The following FAM135B variants were observed in gnomAD, a reference collection of about 807,000 sequenced individuals.
FAM135B encodes the protein protein FAM135B.
FAM135B carries 43 observed loss-of-function variants against 127.7 expected under a neutral mutation model. The ratio of observed to expected loss-of-function variants is 0.34; its 90% confidence interval spans 0.26 to 0.43. The LOEUF (loss-of-function observed/expected upper bound fraction) is 0.43, where lower values mean the gene tolerates loss of function less well. Ranked by LOEUF, FAM135B falls within the 20% of genes least tolerant of loss-of-function variation. FAM135B has a pLI of 1.00. For missense variants in FAM135B, 1,558 were observed against 1,725.6 expected, an observed-to-expected ratio of 0.90 and a Z score of 1.72; for synonymous variants, 670 against 665.1, an observed-to-expected ratio of 1.01 and a Z score of -0.11.
intron 3 of FAM135B, among the ~76,000 whole-genome samples, chr8:138,278,472 G>T (rs1028174227): frequency 6.6e-6 from 1 of 151,728 alleles, no homozygotes. Context: ...TGACTTGAGG[G>T]ATGTGACAGT....
chr8:138,172,245 C>G (rs1292375756), intron 11 of FAM135B, among the ~76,000 whole-genome samples: 3 of 152,198 alleles, frequency 2.0e-5, no homozygotes, highest in African/African-American at 7.2e-5. Flanking sequence ...CTCCAAGGCT[C>G]TGAATGACTC....
At chr8:138,461,093 C>T (rs1414208691) in intron 1 of FAM135B, among the ~76,000 whole-genome samples, 1 of 151,960 alleles carries the variant, frequency 6.6e-6, no homozygotes, top group Non-Finnish European at 1.5e-5. Context: ...TTATAAGTTT[C>T]TTTTTTTTAA....
intron 1 of FAM135B, among the ~76,000 whole-genome samples, chr8:138,478,410 A>G (rs1384423963): frequency 2.0e-5 from 3 of 152,100 alleles, no homozygotes; most frequent in Non-Finnish European, 4.4e-5. Flanking sequence ...CTCCTCTTTA[A>G]AGCCTTCCTT....
chr8:138,347,005 A>G (rs1379532117), intron 2 of FAM135B, among the ~76,000 whole-genome samples: 3 of 152,192 alleles, frequency 2.0e-5, no homozygotes, highest in Non-Finnish European at 4.4e-5. Context: ...TTGGTCACTA[A>G]TATCTAGCAC....
intron 1 of FAM135B, among the ~76,000 whole-genome samples, chr8:138,433,556 A>C (rs1186533062): frequency 6.7e-6 from 1 of 150,346 alleles, no homozygotes; most frequent in Non-Finnish European, 1.5e-5. Context: ...TAAATAAATA[A>C]ATAAATAAAT....
chr8:138,341,100 G>A (rs1829016990), intron 2 of FAM135B, among the ~76,000 whole-genome samples: 1 of 152,180 alleles, frequency 6.6e-6, no homozygotes, highest in Non-Finnish European at 1.5e-5. Flanking sequence ...GACTCACACA[G>A]ATTTTGCATA....
chr8:138,238,725 G>C (rs2130315228), intron 7 of FAM135B, among the ~76,000 whole-genome samples: 1 of 152,282 alleles, frequency 6.6e-6, no homozygotes, highest in African/African-American at 2.4e-5. Flanking sequence ...TAATGCGCTG[G>C]GCTTCTCAGG....
intron 2 of FAM135B, among the ~76,000 whole-genome samples, chr8:138,337,856 C>G (rs1828727797): frequency 6.6e-6 from 1 of 152,184 alleles, no homozygotes; most frequent in South Asian, 2.1e-4. Context: ...TGACTTCAAA[C>G]TATACTGCAA....
intron 3 of FAM135B, among the ~76,000 whole-genome samples, chr8:138,300,821 G>C (rs1420154004): frequency 2.1e-5 from 3 of 140,708 alleles, no homozygotes; most frequent in African/African-American, 7.9e-5. Flanking sequence ...CACTTTCTCA[G>C]CTCACTATAA....
intron 12 of FAM135B, among the ~76,000 whole-genome samples, chr8:138,155,632 C>T (rs1052302138): frequency 1.3e-5 from 2 of 151,684 alleles, no homozygotes; most frequent in Admixed American, 1.3e-4. Context: ...CAAAAAAAAA[C>T]AGGGGTTGCA....
chr8:138,415,608 T>C (rs1173436583), intron 1 of FAM135B, among the ~76,000 whole-genome samples: 2 of 152,168 alleles, frequency 1.3e-5, no homozygotes, highest in Non-Finnish European at 2.9e-5. Flanking sequence ...TACAACTCTT[T>C]CCATTTCCCA....
chr8:138,423,993 C>T (rs1178137009), intron 1 of FAM135B, among the ~76,000 whole-genome samples: 2 of 152,202 alleles, frequency 1.3e-5, no homozygotes, highest in African/African-American at 2.4e-5. Context: ...CTGCCCAGCT[C>T]ACCAGCGGTT....
chr8:138,443,182 C>A (rs1835909803), intron 1 of FAM135B, among the ~76,000 whole-genome samples: 1 of 152,160 alleles, frequency 6.6e-6, no homozygotes, highest in African/African-American at 2.4e-5. Context: ...TTGCTCATCA[C>A]ATCTGGGTAA....
At chr8:138,401,246 C>T (rs1833138208) in intron 1 of FAM135B, among the ~76,000 whole-genome samples, 1 of 152,180 alleles carries the variant, frequency 6.6e-6, no homozygotes, top group Non-Finnish European at 1.5e-5. Context: ...GAATGTCTCC[C>T]TAGCTCCCTT....
At chr8:138,391,716 C>T (rs1170368452) in intron 1 of FAM135B, among the ~76,000 whole-genome samples, 4 of 144,284 alleles carry the variant, frequency 2.8e-5, no homozygotes, top group Non-Finnish European at 4.7e-5. Flanking sequence ...CCCTCCATGT[C>T]AGGCACTGTT....
rs1446750483 is a variant in FAM135B, at chr8:138,228,870, T to TGGGCCAGCTACAATTTCAGACTG, written c.669+14049_669+14071dup. 3.3e-5 allele frequency among the ~76,000 whole-genome samples: 5 copies of TGGGCCAGCTACAATTTCAGACTG among 152,308 alleles called. No homozygotes were observed. In the East Asian group the frequency reaches 9.7e-4, roughly 30 times the overall value. On this transcript the variant is annotated intron_variant, in intron 7 of 19. Transcript: ENST00000395297. ...ATCCGGCTGCAGCATCTGTTCTTCC[T>TGGGCCAGCTACAATTTCAGACTG]GGGCCAGCTACAATTTCAGACTGGG... is the stretch of plus-strand genomic sequence containing the variant.
chr8:138,425,996 T>TAC (rs1834832941), intron 1 of FAM135B, among the ~76,000 whole-genome samples: 1 of 16,306 alleles, frequency 6.1e-5, no homozygotes, highest in African/African-American at 6.2e-4. Context: ...TATATATATA[T>TAC]ATATATATAT....
chr8:138,375,358 G>A (rs1026831844), intron 1 of FAM135B, among the ~76,000 whole-genome samples: 5 of 152,110 alleles, frequency 3.3e-5, no homozygotes, highest in South Asian at 4.1e-4. Flanking sequence ...ACCTGGAATG[G>A]AGCCTCTATA....
intron 7 of FAM135B, among the ~76,000 whole-genome samples, chr8:138,198,099 G>A (rs1441349971): frequency 1.3e-5 from 2 of 152,100 alleles, no homozygotes; most frequent in East Asian, 1.9e-4. Context: ...TGTCATGGGA[G>A]GGACCCAGTG....
Sources: gnomAD v4.1 joint callset for allele counts (sites outside exome capture counted in the v4.1 genomes callset) on GRCh38, gnomAD v4.1.1 for gene constraint, MANE v1.5 for transcripts, NCBI Gene and HGNC (gene_info 2026-07-23, HGNC 2026-07-21) for gene names.